CC2D1A: variants seen among roughly 807,000 people sequenced by gnomAD.
CC2D1A encodes the protein coiled-coil and C2 domain containing 1A.
Under a neutral mutation model 123.8 loss-of-function variants are expected in CC2D1A, and 68 were observed. The observed-to-expected ratio is 0.55, with a 90% confidence interval of 0.45 to 0.67. The LOEUF is 0.67. CC2D1A is among the 30% of genes least tolerant of loss of function. The pLI is 0.00. For synonymous variants in CC2D1A, 477 were observed against 528.0 expected (o/e 0.90, Z 1.32); for missense variants, 1,185 against 1,290.3 (o/e 0.92, Z 1.25).
chr19:13,912,664 T>C (rs1971045413), intron 4 of CC2D1A, 71 bp downstream of exon 4: 1 of 1,484,566 alleles, frequency 6.7e-7, no homozygotes, highest in African/African-American at 1.4e-5. Flanking sequence ...GACCTAGCCT[T>C]TTTTATGAGA....
Position 13,920,600 on chromosome 19 carries a change from C to T in CC2D1A, c.1400C>T (p.Pro467Leu), listed in dbSNP as rs755514307. 18 of 1,610,640 alleles carry T rather than the reference C, an allele frequency of 1.1e-5. No individual in the cohort carries two copies. The highest frequency in any genetic ancestry group is 1.5e-5 in the Non-Finnish European group (18 of 1,178,416). ...CCCACAGCCCAGCCCAAAGCCCCAC[C>T]CTCAAGAACTCCCCAGTCGGGATCA... ...VAPTAQPKAP[P>L]SRTPQSGSAP... is the part of the protein sequence containing the mutation. Residue 467 changes from proline to leucine, a missense_variant, in exon 13 of 29, where the codon CCC becomes CTC. By Grantham distance (98) the Pro-to-Leu change is moderately conservative. Coordinates refer to ENST00000318003, the MANE Select transcript of CC2D1A (RefSeq NM_017721.5).
In CC2D1A at chr19:13,923,430, C is replaced by T. The variant is rs202057391; in HGVS notation, c.1739C>T (p.Thr580Ile). 8,671 of 1,614,038 alleles carry T rather than the reference C, an allele frequency of 5.4e-3. 28 individuals carry two copies. The highest frequency in any genetic ancestry group is 6.0e-3 in the Non-Finnish European group (7,061 of 1,180,022). ...QEAARRYGEL[T>I]KLIRQQHEMC... is the part of the protein sequence containing the mutation. ...GCCGCCCGGCGCTATGGTGAACTCACCAAGCTCATACGGCAGCAGCACGAG... is the reference window on the plus strand; with the variant it reads ...GCCGCCCGGCGCTATGGTGAACTCATCAAGCTCATACGGCAGCAGCACGAG... Residue 580 changes from threonine to isoleucine, a missense_variant, in exon 15 of 29, where the codon ACC becomes ATC. By Grantham distance (89) the Thr-to-Ile change is moderately conservative. Coordinates refer to ENST00000318003, the MANE Select transcript of CC2D1A (RefSeq NM_017721.5). The surrounding 1 kb of genome is among the most constrained non-coding windows in gnomAD (Gnocchi z 5.3).
chr19:13,929,562 C>G lies in CC2D1A; in HGVS notation c.2612C>G (p.Pro871Arg). Residue 871 changes from proline to arginine, a missense_variant, in exon 26 of 29, where the codon CCG becomes CGG. Transcript: ENST00000318003. ...KILALRQARR[P>R]VPPEVAQQYQ... ...CTGGCCCTCAGGCAGGCGCGGCGGC[C>G]GGTGCCCCCAGAAGTGGCCCAGCAG... The G allele has an allele frequency of 6.2e-7, 1 of 1,610,392 alleles. No individual in the cohort carries two copies. Among genetic ancestry groups the G allele is most frequent in the Non-Finnish European group, 8.5e-7 (1 of 1,179,428 alleles).
In CC2D1A at chr19:13,920,879, T is replaced by C; in HGVS notation, c.1598T>C (p.Met533Thr). ...HLRQAKGLEP[M>T]LEASRNGLPV... Reference sequence around the variant, plus strand: ...CGCCAAGCCAAGGGACTGGAGCCTATGCTGGAGGCCTCGCGCAATGGGCTG... The same window carrying C: ...CGCCAAGCCAAGGGACTGGAGCCTACGCTGGAGGCCTCGCGCAATGGGCTG... The change falls in exon 14 of 29, where the codon ATG (methionine) becomes ACG (threonine). Residue 533 changes from methionine (M) to threonine (T), a missense_variant. Transcript: ENST00000318003. 6.2e-7 allele frequency: 1 copy of C among 1,614,076 alleles called. No individual in the cohort carries two copies. The highest frequency in any genetic ancestry group is 8.5e-7 in the Non-Finnish European group (1 of 1,180,018).
chr19:13,907,435 A>C (rs535066370), intron 1 of CC2D1A, among the ~76,000 whole-genome samples: 2 of 152,164 alleles, frequency 1.3e-5, no homozygotes, highest in Admixed American at 6.5e-5. Flanking sequence ...AAAAATTAAA[A>C]ATGGAAGTCC....
rs766758415 is a variant in CC2D1A at position 13,930,161 on chromosome 19, T to G, written c.2787+7T>G. 1 of 1,613,250 alleles carries G rather than the reference T, an allele frequency of 6.2e-7. No individual in the cohort carries two copies. Among genetic ancestry groups the G allele is most frequent in the Non-Finnish European group, 8.5e-7 (1 of 1,179,670 alleles). ...GGGCAACGATGGCAGCAGGGTGAGC[T>G]GGTCGCGGGCCGGGTGGGCACTGGG... On this transcript the variant is annotated splice_region_variant and intron_variant, in intron 27 of 28. Coordinates refer to ENST00000318003, the MANE Select transcript of CC2D1A (RefSeq NM_017721.5). The surrounding 1 kb of genome is among the most constrained non-coding windows in gnomAD (Gnocchi z 6.8).
At chr19:13,928,857 C>T (rs1169545235) in intron 24 of CC2D1A, among the ~76,000 whole-genome samples, 3 of 151,726 alleles carry the variant, frequency 2.0e-5, no homozygotes, top group African/African-American at 4.8e-5. Context: ...TACAGGCATG[C>T]GCCACCACAC....
chr19:13,927,335 C>T, intron 22 of CC2D1A, 70 bp downstream of exon 22: 1 of 1,338,666 alleles, frequency 7.5e-7, no homozygotes. Flanking sequence ...TAAAACACTT[C>T]CTGCCTTGAG....
rs756957795 is a variant in CC2D1A at position 13,920,927 on chromosome 19, A to G, written c.1641+5A>G. ...CTGCCTGTGGACATCACCAAGGTGA[A>G]CCTTCTGGGCTTGTGGGAACTGCCC... On this transcript the variant is annotated splice_donor_5th_base_variant and intron_variant, in intron 14 of 28. Transcript: ENST00000318003. The G allele has an allele frequency of 6.2e-7, 1 of 1,609,534 alleles. No homozygotes were observed. The highest frequency in any genetic ancestry group is 8.5e-7 in the Non-Finnish European group (1 of 1,177,670).
chr19:13,909,237 G>A (rs980963222), intron 1 of CC2D1A, among the ~76,000 whole-genome samples: 15 of 152,136 alleles, frequency 9.9e-5, no homozygotes, highest in African/African-American at 3.4e-4. Context: ...TTAGCCGGGC[G>A]TGGTGGCGGG....
In CC2D1A at chr19:13,923,391, GTC is replaced by G; in HGVS notation, c.1702_1703del (p.Leu568ValfsTer10). On this transcript the variant is annotated frameshift_variant, in exon 15 of 29. Transcript: ENST00000318003. LOFTEE classifies it high-confidence loss of function. This position sits in a 1 kb window ranked among gnomAD's most constrained non-coding sequence, Gnocchi z 5.3. ...GCCCTGGTCCAGCGGCCTGGCCCGG[GTC>G]TGTCTCAGGAGGCCGCCCGGCGCTA... The G allele has an allele frequency of 6.2e-7, 1 of 1,612,986 alleles. No homozygotes were observed. Among genetic ancestry groups the G allele is most frequent in the Non-Finnish European group, 8.5e-7 (1 of 1,180,010 alleles).
chr19:13,908,348 G>A (rs1970868705), intron 1 of CC2D1A, among the ~76,000 whole-genome samples: 1 of 152,082 alleles, frequency 6.6e-6, no homozygotes, highest in Non-Finnish European at 1.5e-5. Flanking sequence ...ATTTCACCAT[G>A]TTGGCCAGGC....
rs1459531177 is a variant in CC2D1A at position 13,909,806 on chromosome 19, C to T, written c.61-17C>T. 2.5e-6 allele frequency: 4 copies of T among 1,596,182 alleles called. No individual in the cohort carries two copies. Among genetic ancestry groups the T allele is most frequent in the Admixed American group, 1.7e-5 (1 of 58,736 alleles). On this transcript the variant is annotated splice_polypyrimidine_tract_variant and intron_variant, in intron 1 of 28. Transcript: ENST00000318003. ...TGGTGAACCAAAGGTCTGACTGAAC[C>T]CTTGCTGTTCCCCTAGCTGGGCCTG...
Position 13,906,461 on chromosome 19 carries a change from C to G in CC2D1A, c.20C>G (p.Pro7Arg). 6.6e-7 allele frequency: 1 copy of G among 1,515,726 alleles called. No homozygotes were observed. Among genetic ancestry groups the G allele is most frequent in the Non-Finnish European group, 8.8e-7 (1 of 1,134,244 alleles). 93.9% of individuals were successfully genotyped at this position (1,515,726 alleles called of 1,614,324 possible). The change falls in exon 1 of 29, where the codon CCC (proline) becomes CGC (arginine). Residue 7 changes from proline (P) to arginine (R), a missense_variant. Pro to Arg is a moderately radical substitution (Grantham distance 103). Coordinates refer to ENST00000318003, the MANE Select transcript of CC2D1A (RefSeq NM_017721.5). This position sits in a 1 kb window ranked among gnomAD's most constrained non-coding sequence, Gnocchi z 4.1. ...TTGAAGATGCACAAGAGGAAAGGAC[C>G]CCCGGGACCCCCGGGCAGAGGCGCC... MHKRKG[P>R]PGPPGRGAAA...
chr19:13,913,961 A>C (rs1426701506), intron 6 of CC2D1A, among the ~76,000 whole-genome samples: 1 of 152,046 alleles, frequency 6.6e-6, no homozygotes, highest in African/African-American at 2.4e-5. Flanking sequence ...AGCTCATTAC[A>C]ACCTCCACCT....
At chr19:13,914,736 A>G (rs778343007) in intron 6 of CC2D1A, among the ~76,000 whole-genome samples, 7 of 151,884 alleles carry the variant, frequency 4.6e-5, no homozygotes, top group Non-Finnish European at 1.0e-4. Flanking sequence ...CCCAGGCTCA[A>G]GCAATCCTCC....
rs754604459 is a variant in CC2D1A at position 13,909,978 on chromosome 19, C to T, written c.196+20C>T. On this transcript the variant is annotated intron_variant, in intron 2 of 28. Transcript: ENST00000318003. ...GCAAAGGTGAGATGGTTAACACACCCTCAGAACATTTTCTGATCTCCTGCA... is the reference window on the plus strand; with the variant it reads ...GCAAAGGTGAGATGGTTAACACACCTTCAGAACATTTTCTGATCTCCTGCA... 5.3e-6 allele frequency: 8 copies of T among 1,502,904 alleles called. No individual in the cohort carries two copies. The highest frequency in any genetic ancestry group is 6.2e-6 in the Non-Finnish European group (7 of 1,124,128). The allele number at this position is 1,502,904 out of a possible 1,614,324, so 93.1% of individuals were successfully genotyped here.
Position 13,926,608 on chromosome 19 carries a change from A to G in CC2D1A, c.2014+18A>G. On this transcript the variant is annotated intron_variant, in intron 18 of 28. Transcript: ENST00000318003. ...ACCCCCAGGTGAGGGGGCTGTAGGC[A>G]AGGGTCAGGGTCATGGGGACCCCCT... The G allele has an allele frequency of 1.2e-6, 2 of 1,614,148 alleles. No individual in the cohort carries two copies. Among genetic ancestry groups the G allele is most frequent in the Non-Finnish European group, 1.7e-6 (2 of 1,179,990 alleles).
chr19:13,926,965 C>G lies in CC2D1A; in HGVS notation c.2126-13C>G, dbSNP rs771373049. ...GACCCCACCCAACTTCCTCTCCCTC[C>G]TTCCTCCTGCAGAGTTCAAGGAGCA... On this transcript the variant is annotated splice_polypyrimidine_tract_variant and intron_variant, in intron 20 of 28. Transcript: ENST00000318003. The G allele has an allele frequency of 1.2e-5, 19 of 1,613,682 alleles. No homozygotes were observed. In the South Asian group the frequency reaches 1.8e-4, roughly 15 times the overall value.
Sources: allele counts gnomAD v4.1 joint callset (sites outside exome capture counted in the v4.1 genomes callset), GRCh38; gene constraint gnomAD v4.1.1; non-coding constraint Gnocchi (gnomAD v3.1); transcripts MANE v1.5; gene names NCBI Gene and HGNC (gene_info 2026-07-23, HGNC 2026-07-21).